Variants in MAGI1 observed in about 807,000 individuals in gnomAD.
The protein encoded by MAGI1 is membrane associated guanylate kinase, WW and PDZ domain containing 1.
A neutral mutation model predicts 139.9 loss-of-function variants in MAGI1; 58 were observed. The observed-to-expected ratio is 0.41, with a 90% CI of 0.34 to 0.52. The LOEUF (loss-of-function observed/expected upper bound fraction) is 0.52, where lower values mean the gene tolerates loss of function less well. Ranked by LOEUF, MAGI1 falls within the 20% of genes least tolerant of loss-of-function variation. The probability of loss-of-function intolerance (pLI) is 0.12; values close to 1 mark genes in which losing one functional copy is unlikely to be tolerated. For missense variants in MAGI1, 1,874 were observed against 1,901.6 expected (o/e 0.99, Z 0.27); for synonymous variants, 812 against 737.9 (o/e 1.10, Z -1.63).
chr3:65,728,824 C>T lies in MAGI1; in HGVS notation c.314-106736G>A, dbSNP rs774143920. ...TAAAACTTTTTTAACTGCATAAGCA[C>T]TATTCCTCTAGTAGAACTTGAGTGT... is the stretch of plus-strand genomic sequence containing the variant. On this transcript the variant is annotated intron_variant, in intron 1 of 22. Transcript: ENST00000402939. Among the ~76,000 whole-genome samples, 53 of 152,066 alleles carry T rather than the reference C, an allele frequency of 3.5e-4. 1 individual carries two copies. The highest frequency in any genetic ancestry group is 3.2e-3 in the Middle Eastern group (1 of 316).
intron 1 of MAGI1, among the ~76,000 whole-genome samples, chr3:65,840,148 ATT>A (rs34338889): frequency 6.8e-4 from 100 of 147,450 alleles, no homozygotes; most frequent in Admixed American, 8.1e-4. Context: ...TAGTTCTAAG[ATT>A]TTTTTTTTTT....
chr3:65,545,988 A>ACG (rs1333830806), intron 2 of MAGI1, among the ~76,000 whole-genome samples: 3 of 143,228 alleles, frequency 2.1e-5, no homozygotes, highest in African/African-American at 8.0e-5. Flanking sequence ...ACACACACAC[A>ACG]CACACGCACA....
At chr3:65,806,018 G>A (rs529255393) in intron 1 of MAGI1, among the ~76,000 whole-genome samples, 5 of 152,224 alleles carry the variant, frequency 3.3e-5, no homozygotes, top group Admixed American at 2.0e-4. Context: ...AGGTTCATAA[G>A]TGCAGCAAAC....
rs142374962 is a variant in MAGI1, at chr3:65,635,045, C to T, written c.314-12957G>A. On this transcript the variant is annotated intron_variant, in intron 1 of 22. Coordinates refer to ENST00000402939, the MANE Select transcript of MAGI1 (RefSeq NM_001033057.2). ...TGTTTTGTTGTTTTTTCAACACTAGCGTGGGTTTGGAAACTTTCAAAGTAA... is the reference window on the plus strand; with the variant it reads ...TGTTTTGTTGTTTTTTCAACACTAGTGTGGGTTTGGAAACTTTCAAAGTAA... 1.0e-2 allele frequency among the ~76,000 whole-genome samples: 1,518 copies of T among 151,904 alleles called. 26 individuals carry two copies. Among genetic ancestry groups the T allele is most frequent in the African/African-American group, 0.034 (1,395 of 41,364 alleles).
chr3:65,959,601 T>TTTA (rs34295973), intron 1 of MAGI1, among the ~76,000 whole-genome samples: 17,162 of 127,164 alleles, frequency 0.13, 1,363 homozygotes, highest in South Asian at 0.17. Context: ...TCCCAGCATT[T>TTTA]TTATTATTAT....
chr3:65,360,911 C>G (rs9826322), intron 22 of MAGI1: 1 of 1,366,846 alleles, frequency 7.3e-7, no homozygotes, highest in Non-Finnish European at 9.4e-7. Context: ...ACAGTACAAA[C>G]AAACATTCCT....
intron 1 of MAGI1, among the ~76,000 whole-genome samples, chr3:65,724,661 G>C (rs762769156): frequency 2.0e-5 from 3 of 152,108 alleles, no homozygotes; most frequent in Non-Finnish European, 2.9e-5. Context: ...CCTGAGACTG[G>C]GTAATTTACA....
Position 65,637,642 on chromosome 3 carries a change from T to G in MAGI1, c.314-15554A>C, listed in dbSNP as rs75800766. 9.5e-3 allele frequency among the ~76,000 whole-genome samples: 1,450 copies of G among 152,000 alleles called. 27 individuals are homozygous for G. Among genetic ancestry groups the G allele is most frequent in the African/African-American group, 0.033 (1,345 of 41,370 alleles). On this transcript the variant is annotated intron_variant, in intron 1 of 22. Transcript: ENST00000402939. Reference sequence around the variant, plus strand: ...AAAATTGCAAAAGGGCTTATATTGGTGATGATTCCAAATTGTTGAGATTTG... The same window carrying G: ...AAAATTGCAAAAGGGCTTATATTGGGGATGATTCCAAATTGTTGAGATTTG...
intron 1 of MAGI1, among the ~76,000 whole-genome samples, chr3:65,864,014 G>C (rs1037211239): frequency 6.6e-6 from 1 of 152,006 alleles, no homozygotes; most frequent in African/African-American, 2.4e-5. Context: ...CTAAATAAAT[G>C]AGAGTGGAAA....
chr3:65,450,070 C>T (rs148537905), intron 6 of MAGI1, among the ~76,000 whole-genome samples: 351 of 152,186 alleles, frequency 2.3e-3, no homozygotes, highest in African/African-American at 8.2e-3. Flanking sequence ...GAAATGTAAG[C>T]GTATTCTAAG....
At chr3:65,360,347 T>G (rs1271131668) in intron 22 of MAGI1, 143 of 977,804 alleles carry the variant, frequency 1.5e-4, no homozygotes, top group Non-Finnish European at 1.6e-4. Context: ...GGGCATAGCT[T>G]CTTCTTTTTT....
chr3:65,491,565 T>C (rs949335941), intron 3 of MAGI1, among the ~76,000 whole-genome samples: 23 of 152,122 alleles, frequency 1.5e-4, no homozygotes, highest in Non-Finnish European at 3.1e-4. Flanking sequence ...TAATAACTGA[T>C]TGCAGATGAG....
At chr3:65,713,430 G>C (rs2031769882) in intron 1 of MAGI1, among the ~76,000 whole-genome samples, 1 of 151,988 alleles carries the variant, frequency 6.6e-6, no homozygotes, top group Non-Finnish European at 1.5e-5. Context: ...AGCTGCAAGA[G>C]AGATTTTTTA....
At chr3:65,856,038 T>G (rs1335279303) in intron 1 of MAGI1, among the ~76,000 whole-genome samples, 2 of 152,120 alleles carry the variant, frequency 1.3e-5, no homozygotes. Context: ...TAGATCTGCT[T>G]TGCCCTATAT....
intron 1 of MAGI1, among the ~76,000 whole-genome samples, chr3:65,985,601 G>A (rs550950168): frequency 4.3e-4 from 66 of 152,234 alleles, no homozygotes; most frequent in African/African-American, 1.3e-3. Context: ...GAAATCTCTC[G>A]TCTTTTTTTC....
At chr3:65,365,530 A>C (rs1382574668) in intron 18 of MAGI1, among the ~76,000 whole-genome samples, 1 of 152,218 alleles carries the variant, frequency 6.6e-6, no homozygotes, top group Non-Finnish European at 1.5e-5. Flanking sequence ...GGTATCACTC[A>C]TGAAAAGTCC....
chr3:65,650,421 G>A lies in MAGI1; in HGVS notation c.314-28333C>T, dbSNP rs570729393. Among the ~76,000 whole-genome samples the A allele has an allele frequency of 3.2e-3, 487 of 152,210 alleles. 4 individuals carry two copies. Among genetic ancestry groups the A allele is most frequent in the African/African-American group, 0.011 (468 of 41,528 alleles). On this transcript the variant is annotated intron_variant, in intron 1 of 22. Transcript: ENST00000402939. ...AGGATAGATGGTTAAACAAACTGTG[G>A]CACATCCATATCATGGAATACTACT...
intron 1 of MAGI1, among the ~76,000 whole-genome samples, chr3:65,666,108 A>G (rs2086502249): frequency 6.6e-6 from 1 of 152,156 alleles, no homozygotes; most frequent in African/African-American, 2.4e-5. Flanking sequence ...GGAGCCCTTC[A>G]GTACTAATCA....
intron 1 of MAGI1, among the ~76,000 whole-genome samples, chr3:65,668,147 T>C (rs2086641103): frequency 6.6e-6 from 1 of 152,208 alleles, no homozygotes; most frequent in African/African-American, 2.4e-5. Flanking sequence ...ATTTAAACTC[T>C]TTGTGCCTCA....
Sources: gnomAD v4.1 joint callset for allele counts (sites outside exome capture counted in the v4.1 genomes callset) on GRCh38, gnomAD v4.1.1 for gene constraint, MANE v1.5 for transcripts, NCBI Gene and HGNC (gene_info 2026-07-23, HGNC 2026-07-21) for gene names.